The following APIP variants were observed in gnomAD, a reference collection of about 807,000 sequenced individuals.
APIP encodes APAF1 interacting protein, also known as methylthioribulose-1-phosphate dehydratase.
Under a neutral mutation model 32.0 loss-of-function variants are expected in APIP, and 32 were observed. The observed-to-expected ratio is 1.00, with a 90% CI of 0.76 to 1.34. The LOEUF is 1.34. Among genes scored for constraint, APIP ranks in the 40% most tolerant of loss-of-function variants. APIP has a pLI of 0.00. For missense variants in APIP, 247 were observed against 298.6 expected (o/e 0.83, Z 1.27); for synonymous variants, 92 against 94.8 (o/e 0.97, Z 0.17).
At chr11:34,893,881 G>GCT (rs1297595992) in intron 2 of APIP, among the ~76,000 whole-genome samples, 2 of 151,982 alleles carry the variant, frequency 1.3e-5, no homozygotes, top group East Asian at 3.9e-4. Context: ...CCTCCTTGGG[G>GCT]GCATGACTAT....
At chr11:34,885,401 C>T (rs1244397399) in intron 5 of APIP, among the ~76,000 whole-genome samples, 2 of 151,630 alleles carry the variant, frequency 1.3e-5, no homozygotes, top group Non-Finnish European at 2.9e-5. Flanking sequence ...TCCATTATAC[C>T]TGCACAGACC....
rs540527862 is a variant in APIP, at chr11:34,889,685, A to G, written c.208-816T>C. 7.9e-5 allele frequency among the ~76,000 whole-genome samples: 12 copies of G among 151,978 alleles called. No homozygotes were observed. The South Asian group carries it at 1.0e-3, about 13-fold the overall frequency. ...AGTGTGTATTGCTCCCTTCTTTGTG[A>G]CTGTATGTACTCAATGTTTAGCTCC... On this transcript the variant is annotated intron_variant, in intron 3 of 6. Coordinates refer to ENST00000395787, the MANE Select transcript of APIP (RefSeq NM_015957.4).
chr11:34,888,460 A>T (rs371778492), intron 4 of APIP, 32 bp from the exon 5 acceptor site: 1 of 1,597,056 alleles, frequency 6.3e-7, no homozygotes, highest in South Asian at 1.2e-5. Flanking sequence ...CGCATGCTCA[A>T]TGAAGACTGA....
rs756435305 is a variant in APIP, at chr11:34,888,882, G to C, written c.208-13C>G. ...ACATGTCTTCAGGCTATTTATAGAGGGGAAAAAAAGAAAAAAAGAAGGCTT... is the reference window on the plus strand; with the variant it reads ...ACATGTCTTCAGGCTATTTATAGAGCGGAAAAAAAGAAAAAAAGAAGGCTT... On this transcript the variant is annotated splice_polypyrimidine_tract_variant and intron_variant, in intron 3 of 6. Coordinates refer to ENST00000395787, the MANE Select transcript of APIP (RefSeq NM_015957.4). The C allele has an allele frequency of 4.2e-6, 6 of 1,414,518 alleles. No individual in the cohort carries two copies. Among genetic ancestry groups the C allele is most frequent in the Non-Finnish European group, 5.6e-6 (6 of 1,071,660 alleles). 87.6% of individuals were successfully genotyped at this position (1,414,518 alleles called of 1,614,324 possible).
intron 1 of APIP, among the ~76,000 whole-genome samples, chr11:34,899,149 G>A (rs527407906): frequency 1.3e-3 from 191 of 152,262 alleles, no homozygotes; most frequent in African/African-American, 4.3e-3. Context: ...GATTACAGGC[G>A]TGAGCCACTG....
At chr11:34,897,022 C>T (rs12290759) in intron 1 of APIP, among the ~76,000 whole-genome samples, 8,920 of 152,184 alleles carry the variant, frequency 0.059, 430 homozygotes, top group African/African-American at 0.13. Context: ...TTTACAGATC[C>T]GGTCACTGGG....
chr11:34,904,791 C>T (rs1117050), intron 1 of APIP, among the ~76,000 whole-genome samples: 33,544 of 152,162 alleles, frequency 0.22, 4,907 homozygotes, highest in Non-Finnish European at 0.34. Flanking sequence ...CTCCTGGATA[C>T]ATTATATTGG....
chr11:34,906,096 A>G (rs1227586921), intron 1 of APIP, among the ~76,000 whole-genome samples: 2 of 152,188 alleles, frequency 1.3e-5, no homozygotes, highest in African/African-American at 4.8e-5. Flanking sequence ...AACTTCTAAG[A>G]TATCAGAAAA....
chr11:34,883,273 C>T (rs1257625747), intron 6 of APIP, 64 bp downstream of exon 6: 2 of 1,470,194 alleles, frequency 1.4e-6, no homozygotes, highest in Non-Finnish European at 1.8e-6. Flanking sequence ...AACTGACATA[C>T]TTTGTTTTCC....
intron 1 of APIP, among the ~76,000 whole-genome samples, chr11:34,898,785 G>GTTTTTTTT (rs1458148861): frequency 1.1e-5 from 1 of 92,114 alleles, no homozygotes; most frequent in African/African-American, 4.4e-5. Flanking sequence ...TTCTTTCTTT[G>GTTTTTTTT]GTTTTTTTTT....
At chr11:34,904,785 T>C (rs1486621077) in intron 1 of APIP, among the ~76,000 whole-genome samples, 1 of 152,210 alleles carries the variant, frequency 6.6e-6, no homozygotes, top group African/African-American at 2.4e-5. Flanking sequence ...AATCGACTCC[T>C]GGATACATTA....
At chr11:34,911,123 T>C (rs1393806734) in intron 1 of APIP, among the ~76,000 whole-genome samples, 2 of 152,004 alleles carry the variant, frequency 1.3e-5, no homozygotes, top group Non-Finnish European at 2.9e-5. Context: ...TAGTTGAATA[T>C]ACCCAAAAAA....
chr11:34,904,231 T>C (rs7101458), intron 1 of APIP, among the ~76,000 whole-genome samples: 28,791 of 152,112 alleles, frequency 0.19, 3,891 homozygotes, highest in African/African-American at 0.39. Context: ...TGAAATAACT[T>C]CCTGCTTTGG....
intron 1 of APIP, among the ~76,000 whole-genome samples, chr11:34,902,357 T>C (rs1853382417): frequency 6.6e-6 from 1 of 152,174 alleles, no homozygotes; most frequent in South Asian, 2.1e-4. Context: ...GATATTCTGC[T>C]CTGTGCCCCA....
chr11:34,895,628 A>G (rs943108954), intron 1 of APIP, among the ~76,000 whole-genome samples: 15 of 152,238 alleles, frequency 9.9e-5, no homozygotes, highest in Admixed American at 3.9e-4. Flanking sequence ...TTGAAAAAGC[A>G]ATATATACTC....
Position 34,883,343 on chromosome 11 carries a change from T to C in APIP, c.623A>G (p.Lys208Arg), listed in dbSNP as rs138117165. ...YVWGETWEKA[K>R]TMCECYDYLF... The stretch of plus-strand genomic sequence containing the variant: ...TTCTCTGATTTACACTCACATGGTT[T>C]TGGCCTTCTCCCATGTTTCCCCCCA... The change falls in exon 6 of 7, where the codon AAA (lysine) becomes AGA (arginine). Residue 208 changes from lysine (K) to arginine (R), a missense_variant. Transcript: ENST00000395787. 15 of 1,609,246 alleles carry C rather than the reference T, an allele frequency of 9.3e-6. No homozygotes were observed. Among genetic ancestry groups the C allele is most frequent in the Non-Finnish European group, 1.3e-5 (15 of 1,178,394 alleles).
Position 34,914,686 on chromosome 11 carries a change from A to C in APIP, c.57+1542T>G, listed in dbSNP as rs12281914. On this transcript the variant is annotated intron_variant, in intron 1 of 6. Transcript: ENST00000395787. ...ACCATGTGTTCTGAGGTTTTAAAAG[A>C]AGCTGAAATGATTCTGGATTTTGAA... 5.2e-3 allele frequency among the ~76,000 whole-genome samples: 795 copies of C among 152,284 alleles called. 10 individuals carry two copies. Among genetic ancestry groups the C allele is most frequent in the African/African-American group, 0.018 (756 of 41,554 alleles).
intron 1 of APIP, among the ~76,000 whole-genome samples, chr11:34,915,062 C>CA (rs11368196): frequency 0.21 from 28,500 of 137,854 alleles, 3,572 homozygotes; most frequent in East Asian, 0.45. Flanking sequence ...TTGAGTGCAG[C>CA]AAAAAAAAAA....
At chr11:34,896,983 T>G (rs1853283538) in intron 1 of APIP, 2 of 366,990 alleles carry the variant, frequency 5.4e-6, no homozygotes, top group African/African-American at 2.1e-5. Flanking sequence ...AGATTCACTG[T>G]GGAGAAAATC....
Sources: gnomAD v4.1 joint callset for allele counts (sites outside exome capture counted in the v4.1 genomes callset) on GRCh38, gnomAD v4.1.1 for gene constraint, MANE v1.5 for transcripts, NCBI Gene and HGNC (gene_info 2026-07-23, HGNC 2026-07-21) for gene names.